Variants in CDH26 observed in about 807,000 individuals in gnomAD.
CDH26 encodes the protein cadherin 26, also known as cadherin-like protein 26.
In CDH26, 83 loss-of-function variants were observed where a neutral mutation model predicts 90.3. The observed-to-expected ratio is 0.92, with a 90% CI of 0.77 to 1.10. The LOEUF is 1.10. Among genes scored for constraint, CDH26 ranks in the 50% least tolerant of loss-of-function variants. The pLI, the probability that CDH26 is intolerant of heterozygous loss-of-function variation, is 0.00. For missense variants in CDH26, 1,013 were observed against 1,037.6 expected, an observed-to-expected ratio of 0.98 and a Z score of 0.33; for synonymous variants, 397 against 396.3, an observed-to-expected ratio of 1.00 and a Z score of -0.02.
At chr20:59,989,331 A>G (rs1336170992) in intron 9 of CDH26, among the ~76,000 whole-genome samples, 168 bp downstream of exon 9, 5 of 151,810 alleles carry the variant, frequency 3.3e-5, no homozygotes, top group Non-Finnish European at 7.4e-5. Context: ...GATCGAGACC[A>G]TCCTGGCTAA....
chr20:60,024,042 A>G (rs1022531196), intron 7 of CDH26, among the ~76,000 whole-genome samples: 1 of 152,224 alleles, frequency 6.6e-6, no homozygotes, highest in Non-Finnish European at 1.5e-5. Context: ...TTCAGCATTA[A>G]AAACGTGTCT....
chr20:59,975,008 C>T (rs1438342990), intron 4 of CDH26, among the ~76,000 whole-genome samples: 1 of 151,994 alleles, frequency 6.6e-6, no homozygotes, highest in Non-Finnish European at 1.5e-5. Flanking sequence ...GATCAGGGCT[C>T]CTCACATAAT....
downstream of CDH26, among the ~76,000 whole-genome samples, chr20:60,018,214 A>G (rs1318269671): frequency 3.3e-5 from 5 of 151,984 alleles, no homozygotes; most frequent in African/African-American, 9.7e-5. Context: ...GAAGTCCCCA[A>G]CTATTATTGT....
chr20:59,966,360 A>G (rs2061149211), intron 1 of CDH26, among the ~76,000 whole-genome samples: 1 of 151,966 alleles, frequency 6.6e-6, no homozygotes, highest in South Asian at 2.1e-4. Context: ...CATACTTCCC[A>G]TCCACTCACG....
chr20:60,019,904 G>T (rs2061938607), intron 7 of CDH26, among the ~76,000 whole-genome samples: 1 of 152,162 alleles, frequency 6.6e-6, no homozygotes, highest in Non-Finnish European at 1.5e-5. Context: ...GTTTGATGGG[G>T]TGCATTGGCT....
rs1027794761 is a variant in CDH26, at chr20:59,966,002, C to A, written c.70-2965C>A. 4.6e-5 allele frequency among the ~76,000 whole-genome samples: 7 copies of A among 152,006 alleles called. No individual in the cohort carries two copies. The South Asian group carries it at 1.0e-3, about 23-fold the overall frequency. On this transcript the variant is annotated intron_variant, in intron 1 of 17. Transcript: ENST00000348616. ...AAACTATTGCTATTATAGTAAAAAT[C>A]TTTAATTATTAGGAAGCTTTCATGC...
chr20:60,032,421 C>G (rs1459949869), intron 8 of CDH26, among the ~76,000 whole-genome samples: 4 of 152,138 alleles, frequency 2.6e-5, no homozygotes, highest in Non-Finnish European at 4.4e-5. Flanking sequence ...GTTCCTCTAG[C>G]AATGTAAGGC....
downstream of CDH26, among the ~76,000 whole-genome samples, chr20:60,015,354 G>T (rs1172040820): frequency 1.3e-5 from 2 of 152,064 alleles, no homozygotes; most frequent in Non-Finnish European, 2.9e-5. Flanking sequence ...CCTCATTGTG[G>T]GTTTGATGTG....
intron 7 of CDH26, among the ~76,000 whole-genome samples, chr20:59,985,495 G>C (rs1308467396): frequency 6.6e-6 from 1 of 152,092 alleles, no homozygotes; most frequent in African/African-American, 2.4e-5. Flanking sequence ...TAAATGACCA[G>C]ATCTCATGTG....
chr20:60,016,475 CT>C (rs1219264728), downstream of CDH26, among the ~76,000 whole-genome samples: 1 of 152,148 alleles, frequency 6.6e-6, no homozygotes, highest in Admixed American at 6.5e-5. Flanking sequence ...TCTCCAGCAA[CT>C]TTGCTGAATT....
intron 11 of CDH26, among the ~76,000 whole-genome samples, chr20:59,994,708 AG>A (rs1306924857): frequency 2.0e-5 from 3 of 151,996 alleles, no homozygotes; most frequent in Non-Finnish European, 2.9e-5. Context: ...TCTCCTCATC[AG>A]GGGGTAGGAG....
chr20:60,000,203 C>T (rs1302886337), intron 14 of CDH26, among the ~76,000 whole-genome samples: 2 of 152,164 alleles, frequency 1.3e-5, no homozygotes, highest in Non-Finnish European at 2.9e-5. Context: ...CAGGCTAGCA[C>T]CAGAGTGACA....
chr20:60,035,679 C>T (rs1406303518), downstream of CDH26, among the ~76,000 whole-genome samples: 3 of 151,984 alleles, frequency 2.0e-5, no homozygotes, highest in Non-Finnish European at 4.4e-5. Context: ...ATTGTGATCC[C>T]ACATGTTGAG....
intron 1 of CDH26, among the ~76,000 whole-genome samples, chr20:59,962,783 C>G (rs2061093485): frequency 6.6e-6 from 1 of 152,164 alleles, no homozygotes; most frequent in Non-Finnish European, 1.5e-5. Context: ...CAGAGAAGAG[C>G]TGGCCTTAGG....
At chr20:60,010,397 T>C (rs2061818978) in intron 17 of CDH26, among the ~76,000 whole-genome samples, 1 of 152,096 alleles carries the variant, frequency 6.6e-6, no homozygotes, top group East Asian at 1.9e-4. Context: ...TTAGACAGGC[T>C]CCCACTAAAC....
chr20:59,967,933 C>CTT (rs1491480299), intron 1 of CDH26, among the ~76,000 whole-genome samples: 25 of 117,846 alleles, frequency 2.1e-4, no homozygotes, highest in Non-Finnish European at 3.2e-4. Flanking sequence ...CCTTTCCTTT[C>CTT]CCTTTCTTTC....
intron 4 of CDH26, among the ~76,000 whole-genome samples, chr20:59,980,082 C>T (rs1222590768): frequency 1.3e-5 from 2 of 152,094 alleles, no homozygotes; most frequent in African/African-American, 2.4e-5. Context: ...TCATTAGAAA[C>T]GTATAAGAAT....
intron 4 of CDH26, among the ~76,000 whole-genome samples, chr20:59,978,563 G>A (rs1249832894): frequency 6.6e-6 from 1 of 151,796 alleles, no homozygotes; most frequent in Non-Finnish European, 1.5e-5. Flanking sequence ...TTGTAAAGGT[G>A]GGGTTTCACT....
chr20:60,000,849 T>A (rs1320469398), intron 14 of CDH26, among the ~76,000 whole-genome samples: 1 of 152,228 alleles, frequency 6.6e-6, no homozygotes, highest in Non-Finnish European at 1.5e-5. Flanking sequence ...AACCTGATAC[T>A]TTAAAATCTG....
Sources: gnomAD v4.1 joint callset for allele counts (sites outside exome capture counted in the v4.1 genomes callset) on GRCh38, gnomAD v4.1.1 for gene constraint, MANE v1.5 for transcripts, NCBI Gene and HGNC (gene_info 2026-07-23, HGNC 2026-07-21) for gene names.